The following CDKAL1 variants were observed in gnomAD, a reference collection of about 807,000 sequenced individuals.
The protein encoded by CDKAL1 is CDKAL1 threonylcarbamoyladenosine tRNA methylthiotransferase.
A neutral mutation model predicts 68.2 loss-of-function variants in CDKAL1; 32 were observed. The observed-to-expected ratio is 0.47, with a 90% CI of 0.35 to 0.63. The LOEUF (loss-of-function observed/expected upper bound fraction) is 0.63, where lower values mean the gene tolerates loss of function less well. Among genes scored for constraint, CDKAL1 ranks in the 30% least tolerant of loss-of-function variants. The pLI, the probability that CDKAL1 is intolerant of heterozygous loss-of-function variation, is 0.00. For missense variants in CDKAL1, 606 were observed against 696.7 expected (o/e 0.87, Z 1.47); for synonymous variants, 234 against 244.3 (o/e 0.96, Z 0.39).
intron 4 of CDKAL1, among the ~76,000 whole-genome samples, chr6:20,591,308 G>C (rs1426047099): frequency 6.6e-6 from 1 of 152,096 alleles, no homozygotes; most frequent in Non-Finnish European, 1.5e-5. Context: ...TAGGTTGCCT[G>C]TTCACTCTGA....
chr6:20,885,108 T>C (rs1196731765), intron 9 of CDKAL1, among the ~76,000 whole-genome samples: 2 of 152,244 alleles, frequency 1.3e-5, no homozygotes, highest in African/African-American at 4.8e-5. Flanking sequence ...AATCTACAGA[T>C]TCGGCACAAT....
chr6:21,211,964 T>C (rs926080157), intron 15 of CDKAL1, among the ~76,000 whole-genome samples: 1 of 152,068 alleles, frequency 6.6e-6, no homozygotes, highest in Non-Finnish European at 1.5e-5. Context: ...TCTCATTATG[T>C]TACCCAGGCT....
At position 21,067,138 on chromosome 6, in the gene CDKAL1, G is replaced by C. The variant is rs906613359; in HGVS notation, c.1236+1910G>C. Among the ~76,000 whole-genome samples the C allele has an allele frequency of 2.1e-4, 32 of 152,060 alleles. 1 individual carries two copies. The highest frequency in any genetic ancestry group is 1.9e-3 in the Admixed American group (29 of 15,276). ...AATACTTCCTTATAACTACCAGTCA[G>C]ATCAAGAAATTGAACATCACCAAGT... On this transcript the variant is annotated intron_variant, in intron 12 of 15. Transcript: ENST00000274695.
At chr6:20,682,073 C>T (rs758251422) in intron 5 of CDKAL1, among the ~76,000 whole-genome samples, 10 of 152,178 alleles carry the variant, frequency 6.6e-5, no homozygotes, top group Admixed American at 2.0e-4. Context: ...ATGAGGGTCC[C>T]ACCCTCATGA....
At chr6:20,609,249 TCTTCCTCCTTC>T (rs1345457757) in intron 4 of CDKAL1, among the ~76,000 whole-genome samples, 2 of 112,006 alleles carry the variant, frequency 1.8e-5, no homozygotes, top group African/African-American at 8.3e-5. Context: ...CCTTCCTTCT[TCTTCCTCCTTC>T]CTTCCTCCTC....
intron 11 of CDKAL1, among the ~76,000 whole-genome samples, chr6:21,021,679 T>C (rs953088333): frequency 6.6e-5 from 10 of 152,176 alleles, no homozygotes; most frequent in Non-Finnish European, 1.3e-4. Context: ...ATGCCATCCT[T>C]TGGGGTTGTC....
At chr6:20,831,849 A>G (rs1435154906) in intron 8 of CDKAL1, among the ~76,000 whole-genome samples, 1 of 152,194 alleles carries the variant, frequency 6.6e-6, no homozygotes, top group Admixed American at 6.5e-5. Context: ...TCAAATGCTG[A>G]ATGAACGTAG....
chr6:20,754,242 C>G (rs1237315640), intron 6 of CDKAL1, among the ~76,000 whole-genome samples: 1 of 152,120 alleles, frequency 6.6e-6, no homozygotes, highest in African/African-American at 2.4e-5. Flanking sequence ...ATTGGCCTCC[C>G]AAAGTGCTGG....
intron 6 of CDKAL1, among the ~76,000 whole-genome samples, chr6:20,745,462 T>C (rs1357869507): frequency 6.6e-6 from 1 of 152,170 alleles, no homozygotes; most frequent in Non-Finnish European, 1.5e-5. Context: ...TTTTTTTAAC[T>C]TCCGTTGTCT....
intron 13 of CDKAL1, among the ~76,000 whole-genome samples, chr6:21,176,458 C>T (rs186463401): frequency 3.9e-5 from 6 of 152,310 alleles, no homozygotes; most frequent in African/African-American, 1.4e-4. Context: ...ATATGCAGCT[C>T]ATCTCTTCAA....
intron 13 of CDKAL1, among the ~76,000 whole-genome samples, chr6:21,124,621 A>T (rs1330015069): frequency 1.3e-5 from 2 of 151,192 alleles, no homozygotes; most frequent in Non-Finnish European, 3.0e-5. Flanking sequence ...CCTGTAATTT[A>T]TCTGGGTTTG....
intron 9 of CDKAL1, among the ~76,000 whole-genome samples, chr6:20,854,712 C>A (rs1759230845): frequency 6.6e-6 from 1 of 152,206 alleles, no homozygotes; most frequent in Admixed American, 6.5e-5. Context: ...CTGGAAATAC[C>A]TTGTTAAATC....
chr6:20,841,207 A>G (rs773485844), intron 8 of CDKAL1, among the ~76,000 whole-genome samples: 1 of 152,210 alleles, frequency 6.6e-6, no homozygotes, highest in East Asian at 1.9e-4. Context: ...TGATTAAATT[A>G]TGTGAGTGGA....
At chr6:21,212,000 A>G (rs936141708) in intron 15 of CDKAL1, among the ~76,000 whole-genome samples, 5 of 152,132 alleles carry the variant, frequency 3.3e-5, no homozygotes, top group African/African-American at 4.8e-5. Flanking sequence ...GGCTCAAGCA[A>G]TGCTCCAGCC....
rs138561267 is a variant in CDKAL1 at position 20,548,911 on chromosome 6, A to G, written c.286+206A>G. Among the ~76,000 whole-genome samples the G allele has an allele frequency of 6.7e-4, 102 of 152,358 alleles. 1 individual carries two copies. The highest frequency in any genetic ancestry group is 2.3e-3 in the African/African-American group (96 of 41,594). On this transcript the variant is annotated intron_variant, in intron 4 of 15. Coordinates refer to ENST00000274695, the MANE Select transcript of CDKAL1 (RefSeq NM_017774.3). ...AATAAGTTTAGACTTTCAGAAAAGT[A>G]GTAAAATTAGAGAGTTCACATATGC...
chr6:20,844,948 G>A (rs1479995016), intron 8 of CDKAL1, among the ~76,000 whole-genome samples: 1 of 152,210 alleles, frequency 6.6e-6, no homozygotes, highest in African/African-American at 2.4e-5. Context: ...AGGAGGAAAA[G>A]AGTGTTAGCA....
At position 21,034,534 on chromosome 6, in the gene CDKAL1, G is replaced by A. The variant is rs7766970; in HGVS notation, c.1056-30514G>A. On this transcript the variant is annotated intron_variant, in intron 11 of 15. Coordinates refer to ENST00000274695, the MANE Select transcript of CDKAL1 (RefSeq NM_017774.3). Reference sequence around the variant, plus strand: ...AGCTCATAGATCAGCTGGACTGATAGGTTTTTATTTTACCAGAAATGAGTA... The same window carrying A: ...AGCTCATAGATCAGCTGGACTGATAAGTTTTTATTTTACCAGAAATGAGTA... Among the ~76,000 whole-genome samples the A allele has an allele frequency of 5.0e-3, 767 of 152,302 alleles. 4 individuals carry two copies. The highest frequency in any genetic ancestry group is 0.017 in the African/African-American group (701 of 41,564).
intron 2 of CDKAL1, among the ~76,000 whole-genome samples, chr6:20,537,093 G>T (rs1310442380): frequency 6.6e-6 from 1 of 152,086 alleles, no homozygotes; most frequent in African/African-American, 2.4e-5. Flanking sequence ...AGGCTGGAGT[G>T]CAGTGGCGTG....
chr6:21,000,201 G>A (rs1391095640), intron 10 of CDKAL1, 26 bp from the exon 11 acceptor site: 25 of 1,598,946 alleles, frequency 1.6e-5, no homozygotes, highest in Non-Finnish European at 2.1e-5. Context: ...AAAATGATTA[G>A]TGTTTTCTCC....
Sources: gnomAD v4.1 joint callset for allele counts (sites outside exome capture counted in the v4.1 genomes callset) on GRCh38, gnomAD v4.1.1 for gene constraint, MANE v1.5 for transcripts, NCBI Gene and HGNC (gene_info 2026-07-23, HGNC 2026-07-21) for gene names.